UBXN2A: variants seen among roughly 807,000 people sequenced by gnomAD.
The protein encoded by UBXN2A is UBX domain-containing protein 2A.
In UBXN2A, 28 loss-of-function variants were observed where a neutral mutation model predicts 28.4. The observed-to-expected ratio is 0.99, with a 90% CI of 0.73 to 1.35. The LOEUF is 1.35. Ranked by LOEUF, UBXN2A falls within the 40% of genes most tolerant of loss-of-function variation. The pLI, the probability that UBXN2A is intolerant of heterozygous loss-of-function variation, is 0.00. For missense variants in UBXN2A, 253 were observed against 297.9 expected (o/e 0.85, Z 1.11); for synonymous variants, 97 against 103.6 (o/e 0.94, Z 0.39).
At chr2:23,965,579 T>C (rs987466618) in intron 2 of UBXN2A, among the ~76,000 whole-genome samples, 2 of 152,226 alleles carry the variant, frequency 1.3e-5, no homozygotes, top group Admixed American at 1.3e-4. Flanking sequence ...TACACGGTTG[T>C]GGTGTTTACT....
intron 2 of UBXN2A, among the ~76,000 whole-genome samples, chr2:23,964,758 T>G (rs1238459069): frequency 6.6e-6 from 1 of 152,186 alleles, no homozygotes; most frequent in African/African-American, 2.4e-5. Context: ...TTTTAAGTGT[T>G]CTTACCATGA....
chr2:23,964,183 T>A (rs1707062975), intron 2 of UBXN2A, among the ~76,000 whole-genome samples: 1 of 150,876 alleles, frequency 6.6e-6, no homozygotes, highest in African/African-American at 2.4e-5. Context: ...AAAGAATATA[T>A]AATACATACC....
Position 24,001,760 on chromosome 2 carries a change from C to T in UBXN2A, c.*1893C>T, listed in dbSNP as rs972638134. 2.0e-5 allele frequency: 3 copies of T among 149,326 alleles called. No homozygotes were observed. The highest frequency in any genetic ancestry group is 4.9e-5 in the African/African-American group (2 of 40,420). The allele number at this position is 149,326 out of a possible 1,614,324, so 9.3% of individuals were successfully genotyped here. ...GGATCACAAGGTCAAGTGATTGAGA[C>T]CATCCTGTCCAACATGGTGAATCCC... On this transcript the variant is annotated 3_prime_UTR_variant, in exon 7 of 7. Coordinates refer to ENST00000309033, the MANE Select transcript of UBXN2A (RefSeq NM_181713.4).
intron 1 of UBXN2A, among the ~76,000 whole-genome samples, chr2:23,932,331 GA>G (rs35708014): frequency 0.016 from 2,405 of 146,732 alleles, 57 homozygotes; most frequent in African/African-American, 0.055. Flanking sequence ...CGTCTTGGGG[GA>G]AAAAAAAAAA....
intron 1 of UBXN2A, among the ~76,000 whole-genome samples, chr2:23,942,260 G>T (rs539005527): frequency 4.0e-4 from 61 of 152,144 alleles, no homozygotes; most frequent in African/African-American, 1.3e-3. Context: ...GGAATTAGGG[G>T]AAGATGACTC....
chr2:23,933,214 T>A (rs1705427160), intron 1 of UBXN2A, among the ~76,000 whole-genome samples: 2 of 146,466 alleles, frequency 1.4e-5, no homozygotes, highest in Admixed American at 6.8e-5. Flanking sequence ...CTAATAAAAA[T>A]AAAAAGAATA....
intron 1 of UBXN2A, among the ~76,000 whole-genome samples, chr2:23,949,442 A>G (rs74965737): frequency 0.73 from 110,906 of 151,558 alleles, 41,018 homozygotes; most frequent in East Asian, 0.85. Flanking sequence ...GTGGTGGCAC[A>G]TGCCTGTAGT....
At chr2:23,948,844 T>C (rs1706221349) in intron 1 of UBXN2A, among the ~76,000 whole-genome samples, 1 of 151,934 alleles carries the variant, frequency 6.6e-6, no homozygotes, top group African/African-American at 2.4e-5. Flanking sequence ...CAGTACCTTA[T>C]AACTGTAAAA....
intron 2 of UBXN2A, 87 bp from the exon 3 acceptor site, chr2:23,971,189 A>G: frequency 7.3e-7 from 1 of 1,363,730 alleles, no homozygotes; most frequent in Non-Finnish European, 9.7e-7. Flanking sequence ...CGTAGCATCT[A>G]AGTTCAATAT....
intron 2 of UBXN2A, among the ~76,000 whole-genome samples, chr2:23,963,487 GAGAA>G (rs955992507): frequency 6.9e-6 from 1 of 145,442 alleles, no homozygotes; most frequent in Non-Finnish European, 1.5e-5. Flanking sequence ...AAAAAAAAAA[GAGAA>G]AAGTGGAAAA....
intron 3 of UBXN2A, among the ~76,000 whole-genome samples, chr2:23,975,613 T>C (rs765599205): frequency 3.3e-5 from 5 of 152,158 alleles, no homozygotes; most frequent in Non-Finnish European, 7.3e-5. Flanking sequence ...AGCAGACTTA[T>C]TACTCCTTGA....
intron 2 of UBXN2A, among the ~76,000 whole-genome samples, chr2:23,959,445 C>T (rs1351745180): frequency 1.3e-5 from 2 of 151,958 alleles, no homozygotes; most frequent in African/African-American, 4.8e-5. Flanking sequence ...TGAGCCAAGA[C>T]CGCACCACTG....
chr2:23,968,894 C>CTTTTTTT (rs551302005), intron 2 of UBXN2A: 55 of 130,564 alleles, frequency 4.2e-4, no homozygotes, highest in Middle Eastern at 4.4e-3. Context: ...TTTCTTTTTT[C>CTTTTTTT]TTTTTTTTTT....
chr2:23,933,059 C>G (rs144546054), intron 1 of UBXN2A, among the ~76,000 whole-genome samples: 1 of 151,886 alleles, frequency 6.6e-6, no homozygotes, highest in South Asian at 2.1e-4. Context: ...GAGCCAAGAT[C>G]GCACCACTGC....
upstream of UBXN2A, among the ~76,000 whole-genome samples, chr2:23,936,259 T>C (rs1389055339): frequency 6.6e-6 from 1 of 152,158 alleles, no homozygotes; most frequent in African/African-American, 2.4e-5. Context: ...AATGGAATCT[T>C]ATTCAACCAT....
At chr2:23,932,910 C>G (rs559446492) in intron 1 of UBXN2A, among the ~76,000 whole-genome samples, 1 of 152,174 alleles carries the variant, frequency 6.6e-6, no homozygotes, top group Non-Finnish European at 1.5e-5. Flanking sequence ...AGAGACTATC[C>G]TGGCTAACAC....
rs576139127 is a variant in UBXN2A, at chr2:23,945,086, A to G, written c.-15+4438A>G. Among the ~76,000 whole-genome samples, 1,109 of 152,228 alleles carry G rather than the reference A, an allele frequency of 7.3e-3. 13 individuals are homozygous for G. The highest frequency in any genetic ancestry group is 0.026 in the African/African-American group (1,064 of 41,556). ...TGAATTAAAATACTTATTAAAAAAA[A>G]GGGGGGAGGGCCCTTTGTGACATAA... On this transcript the variant is annotated intron_variant, in intron 1 of 6. Transcript: ENST00000309033.
intron 1 of UBXN2A, among the ~76,000 whole-genome samples, chr2:23,954,866 C>G (rs180786230): frequency 5.9e-4 from 89 of 151,124 alleles, no homozygotes; most frequent in African/African-American, 2.1e-3. Flanking sequence ...CAAGTGATCT[C>G]CTGCCTCTCA....
chr2:23,933,452 G>A (rs1394781945), intron 1 of UBXN2A, among the ~76,000 whole-genome samples: 2 of 152,226 alleles, frequency 1.3e-5, no homozygotes, highest in Non-Finnish European at 2.9e-5. Context: ...GTTGCAGTGA[G>A]CTGAGATCGC....
Sources: gnomAD v4.1 joint callset for allele counts (sites outside exome capture counted in the v4.1 genomes callset) on GRCh38, gnomAD v4.1.1 for gene constraint, MANE v1.5 for transcripts, NCBI Gene and HGNC (gene_info 2026-07-23, HGNC 2026-07-21) for gene names.